Variants in ZNF638 observed in about 807,000 individuals in gnomAD.
ZNF638 encodes CTCL tumor antigen se33-1.
Under a neutral mutation model 195.6 loss-of-function variants are expected in ZNF638, and 46 were observed. The ratio of observed to expected loss-of-function variants is 0.24; its 90% CI spans 0.19 to 0.30. ZNF638 has a LOEUF of 0.30. Ranked by LOEUF, ZNF638 falls within the 10% of genes least tolerant of loss-of-function variation. The probability of loss-of-function intolerance (pLI) is 1.00; values close to 1 mark genes in which losing one functional copy is unlikely to be tolerated. For synonymous variants in ZNF638, 845 were observed against 772.0 expected (o/e 1.09, Z -1.57); for missense variants, 2,440 against 2,325.3 (o/e 1.05, Z -1.01).
chr2:71,396,307 T>G, intron 11 of ZNF638, 116 bp downstream of exon 11: 8 of 741,824 alleles, frequency 1.1e-5, no homozygotes, highest in Non-Finnish European at 1.5e-5. Flanking sequence ...GAATGCATGC[T>G]AATCTTTGAG....
intron 2 of ZNF638, among the ~76,000 whole-genome samples, chr2:71,352,487 A>T (rs1436889563): frequency 5.2e-5 from 2 of 38,778 alleles, no homozygotes; most frequent in Non-Finnish European, 1.0e-4. Flanking sequence ...CAAAAAAAAT[A>T]AAAAAAATAA....
At position 71,423,844 on chromosome 2, in the gene ZNF638, A is replaced by G; in HGVS notation, c.4330A>G (p.Ser1444Gly). 6.2e-7 allele frequency: 1 copy of G among 1,614,172 alleles called. No homozygotes were observed. The highest frequency in any genetic ancestry group is 8.5e-7 in the Non-Finnish European group (1 of 1,180,010). The change falls in exon 22 of 28, where the codon AGT becomes GGT. Residue 1444 changes from serine (S) to glycine (G), a missense_variant. By Grantham distance (56) the Ser-to-Gly change is moderately conservative. Transcript: ENST00000264447. ...GGAATTTGGTCTGCTTAAACCCACAAGTGCCAGGTCAGGCTTGGCAGAAAG... is the reference window on the plus strand; with the variant it reads ...GGAATTTGGTCTGCTTAAACCCACAGGTGCCAGGTCAGGCTTGGCAGAAAG... ...AKEFGLLKPT[S>G]ARSGLAESSS...
intron 10 of ZNF638, among the ~76,000 whole-genome samples, chr2:71,385,296 G>C (rs905665208): frequency 6.6e-6 from 1 of 152,152 alleles, no homozygotes; most frequent in African/African-American, 2.4e-5. Flanking sequence ...ACTCATCCCA[G>C]AGAAATGAAA....
chr2:71,378,362 T>G (rs2079474171), intron 8 of ZNF638, among the ~76,000 whole-genome samples: 1 of 152,142 alleles, frequency 6.6e-6, no homozygotes, highest in Admixed American at 6.5e-5. Flanking sequence ...TCTAAATAAT[T>G]GAGTTGAAGG....
intron 25 of ZNF638, chr2:71,428,879 GT>G (rs2080596413): frequency 2.8e-6 from 1 of 351,728 alleles, no homozygotes. Context: ...TCCTCGAAAG[GT>G]TTTCTGACCA....
intron 10 of ZNF638, chr2:71,388,505 G>A: frequency 1.4e-6 from 1 of 704,680 alleles, no homozygotes; most frequent in Non-Finnish European, 2.6e-6. Context: ...AATACAAGCA[G>A]CTCCAGCTTA....
chr2:71,393,957 C>T (rs1486309639), intron 10 of ZNF638, among the ~76,000 whole-genome samples: 2 of 152,182 alleles, frequency 1.3e-5, no homozygotes, highest in African/African-American at 4.8e-5. Context: ...CTACAAATGG[C>T]AAAGGAATTG....
At chr2:71,385,261 T>C (rs1296687456) in intron 10 of ZNF638, among the ~76,000 whole-genome samples, 1 of 152,124 alleles carries the variant, frequency 6.6e-6, no homozygotes, top group East Asian at 1.9e-4. Flanking sequence ...ATGCTTACCA[T>C]ATGACATCAC....
chr2:71,381,186 G>C (rs982872895), intron 10 of ZNF638, among the ~76,000 whole-genome samples: 1 of 152,134 alleles, frequency 6.6e-6, no homozygotes, highest in Non-Finnish European at 1.5e-5. Context: ...GCTCGATAGT[G>C]AAAGACAGGA....
rs149013084 is a variant in ZNF638, at chr2:71,426,638, G to A, written c.4769G>A (p.Arg1590His). Residue 1590 changes from arginine (R) to histidine (H), a missense_variant, in exon 24 of 28, where the codon CGT (arginine) becomes CAT (histidine). Coordinates refer to ENST00000264447, the MANE Select transcript of ZNF638 (RefSeq NM_014497.5). ...KKKKGKTSTP[R>H]GVEGELSFVT... ...AAAAAGGGGAAAACTTCCACTCCTC[G>A]TGGTGTTGAGGGAGAACTATCTTTT... The A allele has an allele frequency of 3.0e-5, 49 of 1,614,150 alleles. No individual in the cohort carries two copies. The highest frequency in any genetic ancestry group is 3.3e-4 in the Middle Eastern group (2 of 6,062).
chr2:71,370,056 C>CT (rs768062669), intron 8 of ZNF638, 51 bp downstream of exon 8: 3 of 1,573,062 alleles, frequency 1.9e-6, no homozygotes, highest in South Asian at 1.2e-5. Flanking sequence ...TTTAGTTTAA[C>CT]TTTTTTGTTT....
intron 8 of ZNF638, 111 bp from the exon 9 acceptor site, chr2:71,380,111 A>G (rs2079509869): frequency 2.0e-6 from 1 of 496,386 alleles, no homozygotes; most frequent in Non-Finnish European, 3.4e-6. Flanking sequence ...TAAATAGGAA[A>G]AGGTAATAAT....
chr2:71,350,111 G>C lies in ZNF638; in HGVS notation c.1157G>C (p.Gly386Ala). ...QADIPIRSPF[G>A]IVKASWLPKF... ...GACATTCCCATTCGGTCTCCCTTTGGTATTGTGAAAGCATCCTGGCTACCA... is the reference window on the plus strand; with the variant it reads ...GACATTCCCATTCGGTCTCCCTTTGCTATTGTGAAAGCATCCTGGCTACCA... Residue 386 changes from glycine (G) to alanine (A), a missense_variant, in exon 2 of 28, where the codon GGT becomes GCT. Physicochemically the swap from Gly to Ala is moderately conservative, Grantham distance 60. Coordinates refer to ENST00000264447, the MANE Select transcript of ZNF638 (RefSeq NM_014497.5). 1 of 1,614,106 alleles carries C rather than the reference G, an allele frequency of 6.2e-7. No homozygotes were observed. The highest frequency in any genetic ancestry group is 8.5e-7 in the Non-Finnish European group (1 of 1,180,038).
chr2:71,365,418 CT>C lies in ZNF638; in HGVS notation c.1718-6del. The C allele has an allele frequency of 6.4e-7, 1 of 1,560,980 alleles. No homozygotes were observed. On this transcript the variant is annotated splice_polypyrimidine_tract_variant and intron_variant, in intron 5 of 27. Transcript: ENST00000264447. The stretch of plus-strand genomic sequence containing the variant: ...TTTCCAATTGAAATTATATTTATAT[CT>C]TTTTACTAGATAGAAAAAAAGCATT...
intron 11 of ZNF638, among the ~76,000 whole-genome samples, chr2:71,396,671 A>G (rs2104416893): frequency 6.6e-6 from 1 of 152,312 alleles, no homozygotes; most frequent in East Asian, 1.9e-4. Context: ...CAAGCCAGGC[A>G]TGGTGGCTCA....
Position 71,362,487 on chromosome 2 carries a change from C to T in ZNF638, c.1380-666C>T, listed in dbSNP as rs57713928. Among the ~76,000 whole-genome samples the T allele has an allele frequency of 5.8e-3, 882 of 152,202 alleles. 7 individuals carry two copies. The highest frequency in any genetic ancestry group is 0.02 in the African/African-American group (828 of 41,532). On this transcript the variant is annotated intron_variant, in intron 3 of 27. Transcript: ENST00000264447. Reference sequence around the variant, plus strand: ...CTCATTACCTGATTTTAAGGCTCTTCGTAATTTGTCTCTACCTGAAACAAC... The same window carrying T: ...CTCATTACCTGATTTTAAGGCTCTTTGTAATTTGTCTCTACCTGAAACAAC...
intron 25 of ZNF638, among the ~76,000 whole-genome samples, chr2:71,429,675 T>C (rs2080616575): frequency 6.6e-6 from 1 of 152,218 alleles, no homozygotes; most frequent in South Asian, 2.1e-4. Flanking sequence ...TAATTTCCCA[T>C]GGAACTGAAT....
At chr2:71,378,287 G>A (rs1160804024) in intron 8 of ZNF638, among the ~76,000 whole-genome samples, 1 of 152,162 alleles carries the variant, frequency 6.6e-6, no homozygotes, top group Non-Finnish European at 1.5e-5. Flanking sequence ...TCGGAACATA[G>A]TAGTTTCAAA....
At chr2:71,377,969 C>G (rs906943254) in intron 8 of ZNF638, among the ~76,000 whole-genome samples, 9 of 152,104 alleles carry the variant, frequency 5.9e-5, no homozygotes, top group Non-Finnish European at 1.3e-4. Context: ...AAGTGGAATC[C>G]TAAGGTGTGT....
Sources: gnomAD v4.1 joint callset for allele counts (sites outside exome capture counted in the v4.1 genomes callset) on GRCh38, gnomAD v4.1.1 for gene constraint, MANE v1.5 for transcripts, NCBI Gene and HGNC (gene_info 2026-07-23, HGNC 2026-07-21) for gene names.